The following PCCA variants were observed in gnomAD, a reference collection of about 807,000 sequenced individuals.
PCCA encodes the protein propionyl-CoA carboxylase alpha chain, mitochondrial.
Under a neutral mutation model 101.3 loss-of-function variants are expected in PCCA, and 74 were observed. That is an observed-to-expected ratio of 0.73 (90% CI 0.61 to 0.89). The LOEUF (loss-of-function observed/expected upper bound fraction) is 0.89, where lower values mean the gene tolerates loss of function less well. Among genes scored for constraint, PCCA ranks in the 40% least tolerant of loss-of-function variants. The pLI is 0.00. For missense variants in PCCA, 891 were observed against 907.0 expected (o/e 0.98, Z 0.23); for synonymous variants, 294 against 313.6 (o/e 0.94, Z 0.66).
At chr13:100,347,851 A>G (rs2072515115) in intron 18 of PCCA, among the ~76,000 whole-genome samples, 1 of 152,230 alleles carries the variant, frequency 6.6e-6, no homozygotes, top group African/African-American at 2.4e-5. Context: ...AAAAAAAGGT[A>G]CTATCACTTA....
intron 18 of PCCA, among the ~76,000 whole-genome samples, chr13:100,350,914 A>G (rs982485999): frequency 3.0e-4 from 46 of 152,314 alleles, no homozygotes; most frequent in Middle Eastern, 3.4e-3. Flanking sequence ...GGATTGTTCA[A>G]TGTGAAACAT....
At chr13:100,502,972 T>TA (rs1273690138) in intron 21 of PCCA, among the ~76,000 whole-genome samples, 1 of 152,156 alleles carries the variant, frequency 6.6e-6, no homozygotes, top group East Asian at 1.9e-4. Flanking sequence ...CCTAGGGCGT[T>TA]AAAGCTGTAT....
At chr13:100,176,622 C>G (rs573888236) in intron 6 of PCCA, among the ~76,000 whole-genome samples, 295 of 152,256 alleles carry the variant, frequency 1.9e-3, no homozygotes, top group African/African-American at 6.9e-3. Flanking sequence ...GAATTTATGA[C>G]TTACATTATT....
intron 21 of PCCA, among the ~76,000 whole-genome samples, chr13:100,510,727 A>C (rs375255979): frequency 6.6e-6 from 1 of 152,366 alleles, no homozygotes; most frequent in South Asian, 2.1e-4. Context: ...ATATGCTGTC[A>C]TGTGGGTTGT....
At position 100,303,005 on chromosome 13, in the gene PCCA, C is replaced by T; in HGVS notation, c.1284+7C>T. The T allele has an allele frequency of 6.6e-7, 1 of 1,513,354 alleles. No individual in the cohort carries two copies. The allele number at this position is 1,513,354 out of a possible 1,614,324, so 93.7% of individuals were successfully genotyped here. ...ACCGTTACATCTACCTGGTGTAAGT[C>T]ATTAAGCTGTAATACCAGCTGAAGG... On this transcript the variant is annotated splice_region_variant and intron_variant, in intron 14 of 23. Transcript: ENST00000376285.
At chr13:100,451,768 T>C (rs1313263679) in intron 21 of PCCA, among the ~76,000 whole-genome samples, 1 of 113,690 alleles carries the variant, frequency 8.8e-6, no homozygotes, top group Non-Finnish European at 1.8e-5. Context: ...CTCTGTCCTC[T>C]TCCTCTCCTC....
At chr13:100,246,212 C>T (rs2061418196) in intron 8 of PCCA, among the ~76,000 whole-genome samples, 1 of 152,158 alleles carries the variant, frequency 6.6e-6, no homozygotes, top group Non-Finnish European at 1.5e-5. Context: ...GAAAACTGTA[C>T]TTAATAACTT....
At chr13:100,378,951 C>T (rs920003679) in intron 19 of PCCA, among the ~76,000 whole-genome samples, 1 of 152,026 alleles carries the variant, frequency 6.6e-6, no homozygotes, top group Non-Finnish European at 1.5e-5. Context: ...TCTGTTGCTG[C>T]AGACTTATTG....
chr13:100,482,989 C>CA (rs1034907394), intron 21 of PCCA, among the ~76,000 whole-genome samples: 8 of 152,160 alleles, frequency 5.3e-5, no homozygotes, highest in East Asian at 1.9e-4. Context: ...ATGGAATTAG[C>CA]AAAAAATGAC....
intron 3 of PCCA, 50 bp from the exon 4 acceptor site, chr13:100,111,943 C>A (rs750682654): frequency 8.9e-6 from 14 of 1,570,694 alleles, no homozygotes; most frequent in Admixed American, 1.7e-5. Flanking sequence ...TTTATTAAAC[C>A]CCTTTAAGTG....
intron 7 of PCCA, among the ~76,000 whole-genome samples, chr13:100,230,939 G>A (rs975519869): frequency 7.9e-5 from 12 of 152,254 alleles, no homozygotes; most frequent in African/African-American, 2.9e-4. Context: ...CTTGCTCTGA[G>A]GCTACAGTTC....
chr13:100,263,569 G>A (rs796287460), intron 10 of PCCA, among the ~76,000 whole-genome samples: 18 of 152,076 alleles, frequency 1.2e-4, no homozygotes, highest in African/African-American at 3.1e-4. Flanking sequence ...AAGTTTAATG[G>A]TCACTTTCAT....
At chr13:100,164,289 A>T in intron 6 of PCCA, among the ~76,000 whole-genome samples, 1 of 152,212 alleles carries the variant, frequency 6.6e-6, no homozygotes, top group South Asian at 2.1e-4. Context: ...ATAGAAAAAA[A>T]ATGTTACTGA....
intron 19 of PCCA, among the ~76,000 whole-genome samples, chr13:100,399,600 C>T (rs1198784900): frequency 6.6e-6 from 1 of 152,100 alleles, no homozygotes; most frequent in Non-Finnish European, 1.5e-5. Flanking sequence ...AATCTAGCAT[C>T]GCAATTGACA....
intron 7 of PCCA, among the ~76,000 whole-genome samples, chr13:100,210,833 C>T (rs2059168358): frequency 6.6e-6 from 1 of 152,186 alleles, no homozygotes; most frequent in African/African-American, 2.4e-5. Flanking sequence ...GATTAGAAAA[C>T]TTGCCCCCTA....
intron 22 of PCCA, among the ~76,000 whole-genome samples, chr13:100,521,816 A>G (rs1232627736): frequency 6.6e-6 from 1 of 152,214 alleles, no homozygotes; most frequent in Non-Finnish European, 1.5e-5. Context: ...CGTAGACACC[A>G]GGGCTGATAT....
At chr13:100,208,431 A>G (rs1411883954) in intron 6 of PCCA, among the ~76,000 whole-genome samples, 1 of 152,218 alleles carries the variant, frequency 6.6e-6, no homozygotes, top group Non-Finnish European at 1.5e-5. Flanking sequence ...ACAAGGTCGT[A>G]GGACAATCAG....
chr13:100,470,164 G>C lies in PCCA; in HGVS notation c.1899+20859G>C, dbSNP rs2082887639. ...GATGGGCACACCTGGCTATCGGGGTGAACACGTCAATCAGCTCATCCGCCA... is the reference window on the plus strand; with the variant it reads ...GATGGGCACACCTGGCTATCGGGGTCAACACGTCAATCAGCTCATCCGCCA... On this transcript the variant is annotated intron_variant, in intron 21 of 23. Transcript: ENST00000376285. Among the ~76,000 whole-genome samples the C allele has an allele frequency of 1.3e-5, 2 of 152,300 alleles. 1 individual carries two copies. Among genetic ancestry groups the C allele is most frequent in the South Asian group, 4.2e-4 (2 of 4,816 alleles).
intron 16 of PCCA, among the ~76,000 whole-genome samples, chr13:100,312,059 A>T (rs904499862): frequency 2.6e-5 from 4 of 152,202 alleles, no homozygotes; most frequent in African/African-American, 9.7e-5. Flanking sequence ...TCTTGTTTGT[A>T]TGCATATTGC....
Sources: allele counts gnomAD v4.1 joint callset (sites outside exome capture counted in the v4.1 genomes callset), GRCh38; gene constraint gnomAD v4.1.1; transcripts MANE v1.5; gene names NCBI Gene and HGNC (gene_info 2026-07-23, HGNC 2026-07-21).